Variants in STS observed in about 807,000 individuals in gnomAD.
STS encodes steroid sulfatase, also known as steryl-sulfatase.
Under a neutral mutation model 26.8 loss-of-function variants are expected in STS, and 7 were observed. The ratio of observed to expected loss-of-function variants is 0.26; its 90% CI spans 0.15 to 0.49. STS has a LOEUF of 0.49. Ranked by LOEUF, STS falls within the 20% of genes least tolerant of loss-of-function variation. STS has a pLI of 0.98. For missense variants in STS, 434 were observed against 465.6 expected, an observed-to-expected ratio of 0.93 and a Z score of 0.63; for synonymous variants, 199 against 189.4, an observed-to-expected ratio of 1.05 and a Z score of -0.42.
At chrX:7,324,492 T>C (rs1489303207) in intron 8 of STS, among the ~76,000 whole-genome samples, 2 of 111,820 alleles carry the variant, frequency 1.8e-5, no homozygotes, top group African/African-American at 6.5e-5. Context: ...AGAGACAGCT[T>C]TGTGGGGCTA....
chrX:7,200,058 CTT>C (rs5901338), intron 2 of STS, among the ~76,000 whole-genome samples: 4,420 of 97,714 alleles, frequency 0.045, 233 homozygotes, highest in African/African-American at 0.15. Flanking sequence ...TGTGAGCTTT[CTT>C]TTTTTTTTTT....
At chrX:7,215,077 ATATG>A (rs1255598500) in intron 2 of STS, among the ~76,000 whole-genome samples, 1 of 93,361 alleles carries the variant, frequency 1.1e-5, no homozygotes, top group Non-Finnish European at 2.1e-5. Flanking sequence ...ATACACGTAT[ATATG>A]TATACGTATA....
rs369499691 is a variant in STS at position 7,215,138 on chromosome X, C to CATATATATAT, written c.-5+24140_-5+24149dup. On this transcript the variant is annotated intron_variant, in intron 2 of 10. Coordinates refer to ENST00000674429, the MANE Select transcript of STS (RefSeq NM_001320752.2). ...ATATACACACACACACACACACACA[C>CATATATATAT]ATATATATATATATATATACACACC... 6.8e-4 allele frequency among the ~76,000 whole-genome samples: 61 copies of CATATATATAT among 90,300 alleles called. 1 individual carries two copies. Among genetic ancestry groups the CATATATATAT allele is most frequent in the Admixed American group, 2.5e-3 (20 of 7,844 alleles). The allele number at this position is 90,300 out of a possible 115,157, so 78.4% of individuals were successfully genotyped here. A position where few individuals can be genotyped will look rare whatever the true frequency, so the allele number is the denominator to read the frequency against.
rs757086724 is a variant in STS, at chrX:7,325,380, G to T, written c.1123G>T (p.Gly375Cys). The change falls in exon 9 of 11, where the codon GGC becomes TGC. Residue 375 changes from glycine (G) to cysteine (C), a missense_variant. Coordinates refer to ENST00000674429, the MANE Select transcript of STS (RefSeq NM_001320752.2). ...CTGGGAAGGAGGTATCCGGGTTCCA[G>T]GCATCCTTCGTTGGCCCAGGGTGAT... ...NNWEGGIRVP[G>C]ILRWPRVIQA... 1 of 1,211,419 alleles carries T rather than the reference G, an allele frequency of 8.3e-7. No homozygotes were observed. Among genetic ancestry groups the T allele is most frequent in the East Asian group, 3.0e-5 (1 of 33,805 alleles).
chrX:7,257,560 G>A lies in STS; in HGVS notation c.354G>A (p.Lys118=). ...TDEITFAKLL[K]DQGYSTALIG... ...AGATTACCTTTGCTAAGCTTCTGAA[G>A]GATCAAGGTTATTCAACAGCACTGA... is the stretch of plus-strand genomic sequence containing the variant. Residue 118 remains lysine (K), a synonymous_variant, in exon 5 of 11, where the codon AAG becomes AAA. Transcript: ENST00000674429. 8.3e-7 allele frequency: 1 copy of A among 1,212,020 alleles called. No homozygotes were observed. The highest frequency in any genetic ancestry group is 1.8e-5 in the South Asian group (1 of 57,018).
At chrX:7,149,357 G>A (rs1289657654) in intron 1 of STS, among the ~76,000 whole-genome samples, 2 of 112,297 alleles carry the variant, frequency 1.8e-5, no homozygotes, top group Non-Finnish European at 3.8e-5. Flanking sequence ...TAGACAAAGT[G>A]CACCTGTGTC....
At chrX:7,275,530 GTGTA>G (rs1367913783) in intron 6 of STS, among the ~76,000 whole-genome samples, 1 of 111,563 alleles carries the variant, frequency 9.0e-6, no homozygotes, top group Non-Finnish European at 1.9e-5. Flanking sequence ...CTAGCAGTGT[GTGTA>G]TGTGTATTTG....
At position 7,231,281 on chromosome X, in the gene STS, CATT is replaced by C. The variant is rs1199884017; in HGVS notation, c.-4-21914_-4-21912del. ...TGAGATACACCTGACAGTTGTACAA[CATT>C]GTTGTACAATTAAATTGATGTACTA... On this transcript the variant is annotated intron_variant, in intron 2 of 10. Coordinates refer to ENST00000674429, the MANE Select transcript of STS (RefSeq NM_001320752.2). Among the ~76,000 whole-genome samples the C allele has an allele frequency of 2.7e-5, 3 of 112,169 alleles. No homozygotes were observed. The Admixed American group carries it at 2.8e-4, about 11-fold the overall frequency.
chrX:7,181,893 C>T (rs1422611123), intron 1 of STS, among the ~76,000 whole-genome samples: 1 of 111,267 alleles, frequency 9.0e-6, no homozygotes, highest in African/African-American at 3.3e-5. Flanking sequence ...AGAGACCAGC[C>T]TGGGCAATAT....
At chrX:7,176,225 A>T (rs1178519345) in intron 1 of STS, among the ~76,000 whole-genome samples, 5 of 112,066 alleles carry the variant, frequency 4.5e-5, no homozygotes, top group African/African-American at 1.6e-4. Context: ...ATGAATACCA[A>T]GATTTCACAG....
intron 8 of STS, among the ~76,000 whole-genome samples, chrX:7,320,465 GTTTT>G (rs1926976124): frequency 9.0e-6 from 1 of 111,151 alleles, no homozygotes; most frequent in Admixed American, 9.8e-5. Context: ...TATTTATGCT[GTTTT>G]ATTTAAAACA....
intron 3 of STS, among the ~76,000 whole-genome samples, chrX:7,254,985 C>G (rs1923337653): frequency 8.9e-6 from 1 of 112,297 alleles, no homozygotes; most frequent in African/African-American, 3.2e-5. Context: ...CATTCTCTTA[C>G]TCCTCATCTT....
intron 10 of STS, among the ~76,000 whole-genome samples, chrX:7,340,010 C>T (rs1337765006): frequency 6.6e-5 from 7 of 106,140 alleles, no homozygotes; most frequent in African/African-American, 2.1e-4. Context: ...AACTTACTTC[C>T]TTATAGAAAC....
chrX:7,147,823 G>T lies in STS; in HGVS notation c.-394G>T, dbSNP rs1932903898. 3 of 130,967 alleles carry T rather than the reference G, an allele frequency of 2.3e-5. No individual in the cohort carries two copies. In the Admixed American group the frequency reaches 2.7e-4, roughly 12 times the overall value. The allele number at this position is 130,967 out of a possible 1,213,427, so 10.8% of individuals were successfully genotyped here. A position where few individuals can be genotyped will look rare whatever the true frequency, so the allele number is the denominator to read the frequency against. On this transcript the variant is annotated 5_prime_UTR_variant, in exon 1 of 11. Transcript: ENST00000674429. The stretch of plus-strand genomic sequence containing the variant: ...CCGACCGGAAGCGGGTGCTGGGGCC[G>T]CGTAGACGCCGCGGCCACGCGCGCC...
chrX:7,231,161 A>C (rs1922041700), intron 2 of STS, among the ~76,000 whole-genome samples: 1 of 111,843 alleles, frequency 8.9e-6, no homozygotes, highest in Non-Finnish European at 1.9e-5. Context: ...AGAGAAAGCT[A>C]ATTAGTGGTT....
rs756268990 is a variant in STS at position 7,257,372 on chromosome X, C to A, written c.259+9C>A. 9.1e-6 allele frequency: 11 copies of A among 1,210,065 alleles called. No homozygotes were observed. The highest frequency in any genetic ancestry group is 1.7e-5 in the African/African-American group (1 of 57,519). Reference sequence around the variant, plus strand: ...GTACCCTGTCCGATCAGGTAACCTCCTATCTGCATCGCAGGGGCTGTGGTC... The same window carrying A: ...GTACCCTGTCCGATCAGGTAACCTCATATCTGCATCGCAGGGGCTGTGGTC... On this transcript the variant is annotated intron_variant, in intron 4 of 10. Transcript: ENST00000674429.
At chrX:7,322,271 C>T (rs1203737210) in intron 8 of STS, among the ~76,000 whole-genome samples, 3 of 111,861 alleles carry the variant, frequency 2.7e-5, no homozygotes, top group African/African-American at 9.7e-5. Context: ...TAGCAGTCCA[C>T]AGAGAGAAGA....
chrX:7,261,353 C>A (rs1923739139), intron 6 of STS, among the ~76,000 whole-genome samples: 1 of 111,216 alleles, frequency 9.0e-6, no homozygotes. Flanking sequence ...CTGGATTGAA[C>A]AATGAATGAC....
intron 10 of STS, among the ~76,000 whole-genome samples, chrX:7,343,872 T>A (rs1454308325): frequency 8.9e-6 from 1 of 112,229 alleles, no homozygotes; most frequent in Non-Finnish European, 1.9e-5. Flanking sequence ...CAAGAGAGTC[T>A]TCGGGCCCCT....
Sources: allele counts gnomAD v4.1 joint callset (sites outside exome capture counted in the v4.1 genomes callset), GRCh38; gene constraint gnomAD v4.1.1; transcripts MANE v1.5; gene names NCBI Gene and HGNC (gene_info 2026-07-23, HGNC 2026-07-21).